MRPL4: variants seen among roughly 807,000 people sequenced by gnomAD.
MRPL4 encodes the protein mitochondrial ribosomal protein L4, also known as large ribosomal subunit protein uL4m.
In MRPL4, 34 loss-of-function variants were observed where a neutral mutation model predicts 34.1. The ratio of observed to expected loss-of-function variants is 1.00; its 90% CI spans 0.76 to 1.33. MRPL4 has a LOEUF of 1.33. MRPL4 is among the 40% of genes most tolerant of loss of function. The probability of loss-of-function intolerance (pLI) is 0.00; values close to 1 mark genes in which losing one functional copy is unlikely to be tolerated. For missense variants in MRPL4, 402 were observed against 434.6 expected (o/e 0.92, Z 0.67); for synonymous variants, 196 against 188.3 (o/e 1.04, Z -0.33).
chr19:10,259,344 C>G (rs2039885712), intron 8 of MRPL4: 1 of 1,387,860 alleles, frequency 7.2e-7, no homozygotes, highest in East Asian at 2.8e-5. Context: ...TGGGTCTCCC[C>G]CACCAGAATG....
At chr19:10,252,829 T>C in intron 3 of MRPL4, 128 bp downstream of exon 3, 6 of 1,287,868 alleles carry the variant, frequency 4.7e-6, no homozygotes, top group Non-Finnish European at 6.3e-6. Flanking sequence ...TTTCTCCACC[T>C]GTCAAAGGGG....
In MRPL4 at chr19:10,253,302, C is replaced by T. The variant is rs978848292; in HGVS notation, c.275+601C>T. ...CCATCCTGGCTAACATGGTGAAACC[C>T]CGTCTCTACTAAAAATACAAAAAAA... On this transcript the variant is annotated intron_variant, in intron 3 of 8. Coordinates refer to ENST00000253099, the MANE Select transcript of MRPL4 (RefSeq NM_015956.3). Among the ~76,000 whole-genome samples the T allele has an allele frequency of 4.8e-4, 73 of 151,386 alleles. 1 individual carries two copies. Among genetic ancestry groups the T allele is most frequent in the Non-Finnish European group, 2.9e-5 (2 of 67,890 alleles).
rs1294523034 is a variant in MRPL4, at chr19:10,258,180, C to T, written c.446-42C>T. 4 of 1,430,792 alleles carry T rather than the reference C, an allele frequency of 2.8e-6. No homozygotes were observed. The East Asian group carries it at 9.1e-5, about 33-fold the overall frequency. The allele number at this position is 1,430,792 out of a possible 1,614,324, so 88.6% of individuals were successfully genotyped here. A position where few individuals can be genotyped will look rare whatever the true frequency, so the allele number is the denominator to read the frequency against. Reference sequence around the variant, plus strand: ...GCAGCAGATTGCTGACCTCCAGGCTCTGCAGTGGCCCCTACCTGCTCACAT... The same window carrying T: ...GCAGCAGATTGCTGACCTCCAGGCTTTGCAGTGGCCCCTACCTGCTCACAT... On this transcript the variant is annotated intron_variant, in intron 5 of 8. Coordinates refer to ENST00000253099, the MANE Select transcript of MRPL4 (RefSeq NM_015956.3).
chr19:10,258,587 CA>C, intron 7 of MRPL4, 21 bp from the exon 8 acceptor site: 1 of 1,614,170 alleles, frequency 6.2e-7, no homozygotes, highest in Non-Finnish European at 8.5e-7. Context: ...GTTCAACCCC[CA>C]CTCCCTGGCC....
intron 8 of MRPL4, chr19:10,259,399 G>C (rs568110163): frequency 2.1e-6 from 3 of 1,403,700 alleles, no homozygotes; most frequent in Non-Finnish European, 2.8e-6. Context: ...CCTGGCTCTC[G>C]GTCAGCAGGT....
At chr19:10,254,932 G>C (rs151061934) in intron 4 of MRPL4, 8 of 233,484 alleles carry the variant, frequency 3.4e-5, no homozygotes, top group Non-Finnish European at 6.9e-5. Flanking sequence ...TGCCTCCTGA[G>C]TAGCTGGGAT....
chr19:10,259,389 C>A (rs1282723765), intron 8 of MRPL4: 2 of 1,404,644 alleles, frequency 1.4e-6, no homozygotes, highest in Non-Finnish European at 1.8e-6. Flanking sequence ...CAGGACCGAG[C>A]CTGGCTCTCG....
At chr19:10,253,236 G>A (rs2039813199) in intron 3 of MRPL4, among the ~76,000 whole-genome samples, 2 of 152,050 alleles carry the variant, frequency 1.3e-5, no homozygotes, top group Admixed American at 1.3e-4. Flanking sequence ...CAGCACTTTG[G>A]GAGGCCAAGG....
At chr19:10,252,159 C>G (rs529860460), upstream of MRPL4, 2 of 1,401,238 alleles carry the variant, frequency 1.4e-6, no homozygotes, top group South Asian at 1.4e-5. Flanking sequence ...GGAGTCGCGG[C>G]GGGTAGGGCG....
Sources: gnomAD v4.1 joint callset for allele counts (sites outside exome capture counted in the v4.1 genomes callset) on GRCh38, gnomAD v4.1.1 for gene constraint, MANE v1.5 for transcripts, NCBI Gene and HGNC (gene_info 2026-07-23, HGNC 2026-07-21) for gene names.